Variants in LPL observed in about 807,000 individuals in gnomAD.
LPL encodes the protein lipoprotein lipase.
Under a neutral mutation model 52.2 loss-of-function variants are expected in LPL, and 43 were observed. The ratio of observed to expected loss-of-function variants is 0.82; its 90% confidence interval spans 0.64 to 1.06. LPL has a LOEUF of 1.06. Among genes scored for constraint, LPL ranks in the 50% least tolerant of loss-of-function variants. The pLI is 0.00. For synonymous variants in LPL, 244 were observed against 215.6 expected, an observed-to-expected ratio of 1.13 and a Z score of -1.15; for missense variants, 639 against 585.3, an observed-to-expected ratio of 1.09 and a Z score of -0.95.
Position 19,959,304 on chromosome 8 carries a change from G to A in LPL, c.1063G>A (p.Glu355Lys), listed in dbSNP as rs769352815. Residue 355 changes from glutamate (E) to lysine (K), a missense_variant, in exon 7 of 10, where the codon GAA becomes AAA. Coordinates refer to ENST00000650287, the MANE Select transcript of LPL (RefSeq NM_000237.3). The part of the protein sequence containing the change: ...VKIHFSGTES[E>K]THTNQAFEIS... Reference sequence around the variant, plus strand: ...GATTCATTTTTCTGGGACTGAGAGTGAAACCCATACCAATCAGGCCTTTGA... The same window carrying A: ...GATTCATTTTTCTGGGACTGAGAGTAAAACCCATACCAATCAGGCCTTTGA... 1.2e-6 allele frequency: 2 copies of A among 1,614,022 alleles called. No individual in the cohort carries two copies. Among genetic ancestry groups the A allele is most frequent in the African/African-American group, 2.7e-5 (2 of 74,920 alleles).
At position 19,948,367 on chromosome 8, in the gene LPL, G is replaced by A. The variant is rs753181450; in HGVS notation, c.249+27G>A. 26 of 1,613,050 alleles carry A rather than the reference G, an allele frequency of 1.6e-5. No individual in the cohort carries two copies. In the South Asian group the frequency reaches 2.7e-4, roughly 17 times the overall value. On this transcript the variant is annotated intron_variant, in intron 2 of 9. Transcript: ENST00000650287. ...TAAGGGAGGCTCTTTGGGGAAGAGT[G>A]GATTGGGGTGGTGAGGTATCCTGAC...
chr8:19,959,273 A>T lies in LPL; in HGVS notation c.1032A>T (p.Gln344His), dbSNP rs777686682. ...CCTCCCCAACAGTCTTCCATTACCA[A>T]GTAAAGATTCATTTTTCTGGGACTG... ...SQMPYKVFHYQVKIHFSGTES... is the reference protein window; with the variant it reads ...SQMPYKVFHYHVKIHFSGTES... The change falls in exon 7 of 10, where the codon CAA (glutamine) becomes CAT (histidine). Residue 344 changes from glutamine to histidine, a missense_variant. Coordinates refer to ENST00000650287, the MANE Select transcript of LPL (RefSeq NM_000237.3). 1.2e-6 allele frequency: 2 copies of T among 1,614,158 alleles called. No homozygotes were observed. The highest frequency in any genetic ancestry group is 1.1e-5 in the South Asian group (1 of 91,082).
At chr8:19,955,125 C>T (rs1256964489) in intron 5 of LPL, among the ~76,000 whole-genome samples, 1 of 152,110 alleles carries the variant, frequency 6.6e-6, no homozygotes, top group Non-Finnish European at 1.5e-5. Context: ...TTCGATTGTC[C>T]TAAAAACTTA....
chr8:19,949,063 C>G (rs1292656483), intron 2 of LPL, among the ~76,000 whole-genome samples: 1 of 152,130 alleles, frequency 6.6e-6, no homozygotes, highest in Non-Finnish European at 1.5e-5. Context: ...CACACAGTCA[C>G]TTTAGATTAT....
intron 1 of LPL, among the ~76,000 whole-genome samples, chr8:19,947,122 ATAT>A (rs1563568363): frequency 6.6e-6 from 1 of 152,242 alleles, no homozygotes. Flanking sequence ...ATTTTGAAGT[ATAT>A]CTTGCCATAG....
At chr8:19,941,240 C>G (rs1014583757) in intron 1 of LPL, among the ~76,000 whole-genome samples, 1 of 152,186 alleles carries the variant, frequency 6.6e-6, no homozygotes, top group Non-Finnish European at 1.5e-5. Context: ...GGGTATGTTT[C>G]GTATGTTTCC....
intron 8 of LPL, among the ~76,000 whole-genome samples, chr8:19,961,436 G>T (rs949981773): frequency 2.6e-5 from 4 of 151,850 alleles, no homozygotes; most frequent in Non-Finnish European, 5.9e-5. Flanking sequence ...ATGCTACCTG[G>T]ATAATCAAAG....
rs1389217328 is a variant in LPL, at chr8:19,965,597, T to C, written c.*287T>C. ...GTTTTGTCCTTTGAGAAAGAAATAA[T>C]TGTTTGAGCGCAGAGTAAAATAAGG... On this transcript the variant is annotated 3_prime_UTR_variant, in exon 10 of 10. Transcript: ENST00000650287. 7.3e-6 allele frequency: 3 copies of C among 409,668 alleles called. No individual in the cohort carries two copies. In the Admixed American group the frequency reaches 1.2e-4, roughly 16 times the overall value. The allele number at this position is 409,668 out of a possible 1,614,324, so 25.4% of individuals were successfully genotyped here. A position where few individuals can be genotyped will look rare whatever the true frequency, so the allele number is the denominator to read the frequency against.
At chr8:19,954,081 A>C in intron 4 of LPL, 39 bp from the exon 5 acceptor site, 2 of 1,456,882 alleles carry the variant, frequency 1.4e-6, no homozygotes, top group Non-Finnish European at 1.9e-6. Flanking sequence ...TACGAATGGA[A>C]ATTTACAAAT....
At chr8:19,957,543 T>A (rs1335498655) in intron 6 of LPL, among the ~76,000 whole-genome samples, 1 of 152,214 alleles carries the variant, frequency 6.6e-6, no homozygotes, top group Non-Finnish European at 1.5e-5. Context: ...CCCTGCCTCC[T>A]GCACCAGTGG....
chr8:19,958,165 C>A (rs2070004234), intron 6 of LPL, among the ~76,000 whole-genome samples: 1 of 151,884 alleles, frequency 6.6e-6, no homozygotes, highest in Non-Finnish European at 1.5e-5. Context: ...ATTACAGGCA[C>A]CCGCCACCAC....
chr8:19,939,414 A>G lies in LPL; in HGVS notation c.-27A>G, dbSNP rs779906116. The G allele has an allele frequency of 5.7e-6, 9 of 1,589,302 alleles. No individual in the cohort carries two copies. The highest frequency in any genetic ancestry group is 7.7e-6 in the Non-Finnish European group (9 of 1,168,444). ...GCTCATCAGTCGGTCCGCGCCTTGC[A>G]GCTCCTCCAGAGGGACGCGCCCCGA... On this transcript the variant is annotated 5_prime_UTR_variant, in exon 1 of 10. Coordinates refer to ENST00000650287, the MANE Select transcript of LPL (RefSeq NM_000237.3). This position sits in a 1 kb window ranked among gnomAD's most constrained non-coding sequence, Gnocchi z 4.0.
rs907225266 is a variant in LPL, at chr8:19,962,542, T to C, written c.1427+323T>C. On this transcript the variant is annotated intron_variant, in intron 9 of 9. Transcript: ENST00000650287. ...TTTTCTCTACTGCGTCTCTGCTGAC[T>C]TTGCAGATGCCATCTGCAGAGCATG... Among the ~76,000 whole-genome samples the C allele has an allele frequency of 2.0e-5, 3 of 152,206 alleles. 1 individual carries two copies. The highest frequency in any genetic ancestry group is 7.2e-5 in the African/African-American group (3 of 41,448).
chr8:19,949,621 T>C (rs1408919271), intron 2 of LPL, among the ~76,000 whole-genome samples: 2 of 152,120 alleles, frequency 1.3e-5, no homozygotes, highest in East Asian at 3.9e-4. Context: ...TAGCTGGGAC[T>C]ACAGGCGCCC....
Position 19,948,200 on chromosome 8 carries a change from A to G in LPL, c.109A>G (p.Ile37Val), listed in dbSNP as rs538543355. The G allele has an allele frequency of 4.3e-6, 7 of 1,614,158 alleles. No homozygotes were observed. The African/African-American group carries it at 8.0e-5, about 18-fold the overall frequency. ...AADQRRDFIDIESKFALRTPE... is the reference protein window; with the variant it reads ...AADQRRDFIDVESKFALRTPE... ...TCCAGAAAGAAGAGATTTTATCGAC[A>G]TCGAAAGTAAATTTGCCCTAAGGAC... The change falls in exon 2 of 10, where the codon ATC becomes GTC. Residue 37 changes from isoleucine (I) to valine (V), a missense_variant. Physicochemically the swap from Ile to Val is conservative, Grantham distance 29. Transcript: ENST00000650287.
In LPL at chr8:19,955,917, T is replaced by A; in HGVS notation, c.852T>A (p.Asn284Lys). The change falls in exon 6 of 10, where the codon AAT (asparagine) becomes AAA (lysine). Residue 284 changes from asparagine (N) to lysine (K), a missense_variant. Coordinates refer to ENST00000650287, the MANE Select transcript of LPL (RefSeq NM_000237.3). ...LFIDSLLNEENPSKAYRCSSK... is the reference protein window; with the variant it reads ...LFIDSLLNEEKPSKAYRCSSK... ...TCGACTCTCTGTTGAATGAAGAAAA[T>A]CCAAGTAAGGCCTACAGGTGCAGTT... 6.2e-7 allele frequency: 1 copy of A among 1,613,970 alleles called. No homozygotes were observed. Among genetic ancestry groups the A allele is most frequent in the East Asian group, 2.2e-5 (1 of 44,874 alleles).
intron 5 of LPL, 35 bp downstream of exon 5, chr8:19,954,388 C>A: frequency 1.3e-6 from 2 of 1,585,846 alleles, no homozygotes; most frequent in Non-Finnish European, 1.7e-6. Context: ...AAATGTGACT[C>A]TTATCCTTAA....
rs527970622 is a variant in LPL, at chr8:19,962,289, T to G, written c.1427+70T>G. ...CCCTAAGGGAGGCAGCTTCATGCATTCCTCTTCACCCCATCACCAGCAGCT... is the reference window on the plus strand; with the variant it reads ...CCCTAAGGGAGGCAGCTTCATGCATGCCTCTTCACCCCATCACCAGCAGCT... On this transcript the variant is annotated intron_variant, in intron 9 of 9. Coordinates refer to ENST00000650287, the MANE Select transcript of LPL (RefSeq NM_000237.3). 1.1e-4 allele frequency: 123 copies of G among 1,118,428 alleles called. No homozygotes were observed. The East Asian group carries it at 2.6e-3, about 24-fold the overall frequency. The allele number at this position is 1,118,428 out of a possible 1,614,324, so 69.3% of individuals were successfully genotyped here.
rs1160922468 is a variant in LPL, at chr8:19,950,643, A to C, written c.250-1126A>C. 1.3e-5 allele frequency among the ~76,000 whole-genome samples: 2 copies of C among 152,134 alleles called. No homozygotes were observed. Among genetic ancestry groups the C allele is most frequent in the African/African-American group, 4.8e-5 (2 of 41,444 alleles). On this transcript the variant is annotated intron_variant, in intron 2 of 9. Transcript: ENST00000650287. The surrounding 1 kb of genome is among the most constrained non-coding windows in gnomAD (Gnocchi z 4.2). ...GGGGAAACCCAATCTCTACTAAAAA[A>C]ATACAAAAAAATTAGCCAGGTGTGG...
Sources: allele counts gnomAD v4.1 joint callset (sites outside exome capture counted in the v4.1 genomes callset), GRCh38; gene constraint gnomAD v4.1.1; non-coding constraint Gnocchi (gnomAD v3.1); transcripts MANE v1.5; gene names NCBI Gene and HGNC (gene_info 2026-07-23, HGNC 2026-07-21).